BCLAF1: variants seen among roughly 807,000 people sequenced by gnomAD.
BCLAF1 encodes the protein BCL2 associated transcription factor 1.
In BCLAF1, 10 loss-of-function variants were observed where a neutral mutation model predicts 99.5. That is an observed-to-expected ratio of 0.10 (90% CI 0.06 to 0.17). BCLAF1 has a LOEUF of 0.17. Among genes scored for constraint, BCLAF1 ranks in the 10% least tolerant of loss-of-function variants. The probability of loss-of-function intolerance (pLI) is 1.00; values close to 1 mark genes in which losing one functional copy is unlikely to be tolerated. For synonymous variants in BCLAF1, 255 were observed against 370.9 expected, an observed-to-expected ratio of 0.69 and a Z score of 3.59; for missense variants, 636 against 1,105.8, an observed-to-expected ratio of 0.58 and a Z score of 6.02.
intron 8 of BCLAF1, 40 bp downstream of exon 8, chr6:136,271,955 C>T (rs1351922771): frequency 1.4e-6 from 2 of 1,431,584 alleles, no homozygotes; most frequent in Admixed American, 1.8e-5. Context: ...ATTAACTAAG[C>T]TGAACTTAAC....
At chr6:136,283,019 G>A (rs1486808540) in intron 1 of BCLAF1, among the ~76,000 whole-genome samples, 2 of 151,134 alleles carry the variant, frequency 1.3e-5, no homozygotes, top group African/African-American at 4.9e-5. Flanking sequence ...TCTTGGTAGC[G>A]GGGCAAGGTA....
intron 1 of BCLAF1, among the ~76,000 whole-genome samples, chr6:136,286,946 T>A (rs1281344141): frequency 7.3e-6 from 1 of 136,444 alleles, no homozygotes; most frequent in Non-Finnish European, 1.6e-5. Flanking sequence ...CCAGCCTGGG[T>A]GACAGAGCAA....
intron 1 of BCLAF1, 36 bp from the exon 2 acceptor site, chr6:136,282,723 GTTAAA>G (rs1784543480): frequency 6.6e-6 from 1 of 152,134 alleles, no homozygotes; most frequent in Non-Finnish European, 1.5e-5. Flanking sequence ...TGTGATTTAT[GTTAAA>G]TTAAATAACC....
At chr6:136,285,971 G>A (rs1482955773) in intron 1 of BCLAF1, among the ~76,000 whole-genome samples, 1 of 152,004 alleles carries the variant, frequency 6.6e-6, no homozygotes, top group Non-Finnish European at 1.5e-5. Flanking sequence ...GGTGGTGCAC[G>A]CCCATAGTCC....
Position 136,257,081 on chromosome 6 carries a change from T to C in BCLAF1, c.*4029A>G, listed in dbSNP as rs778408093. ...GCCAACCCCAAAAGATTAAGAAAAA[T>C]TCGATGTATATTCTTGGGGGAAAGG... On this transcript the variant is annotated 3_prime_UTR_variant, in exon 13 of 13. Transcript: ENST00000531224. The C allele has an allele frequency of 3.9e-5, 6 of 152,148 alleles. No individual in the cohort carries two copies. The highest frequency in any genetic ancestry group is 7.3e-5 in the Non-Finnish European group (5 of 68,034). The allele number at this position is 152,148 out of a possible 1,614,324, so 9.4% of individuals were successfully genotyped here.
chr6:136,266,974 T>C (rs1476482563), intron 11 of BCLAF1, 55 bp downstream of exon 11: 2 of 1,592,186 alleles, frequency 1.3e-6, no homozygotes, highest in Non-Finnish European at 1.7e-6. Context: ...TTTATTCACC[T>C]AGTATGCTTC....
intron 2 of BCLAF1, 83 bp from the exon 3 acceptor site, chr6:136,279,959 A>AT: frequency 7.8e-7 from 1 of 1,287,236 alleles, no homozygotes; most frequent in Non-Finnish European, 9.9e-7. Context: ...TTCAGATAAA[A>AT]TTTGATTTTT....
At chr6:136,288,339 A>C (rs377069521) in intron 1 of BCLAF1, among the ~76,000 whole-genome samples, 81 of 152,140 alleles carry the variant, frequency 5.3e-4, no homozygotes, top group African/African-American at 1.8e-3. Flanking sequence ...GCAGCCTCAA[A>C]CTCCCGCCGA....
At chr6:136,275,462 C>T in intron 6 of BCLAF1, 70 bp downstream of exon 6, 1 of 1,354,570 alleles carries the variant, frequency 7.4e-7, no homozygotes, top group Non-Finnish European at 9.8e-7. Flanking sequence ...AATTATTAAG[C>T]ATAATTACAC....
intron 11 of BCLAF1, among the ~76,000 whole-genome samples, chr6:136,265,256 T>TA (rs1195999008): frequency 6.6e-6 from 1 of 152,142 alleles, no homozygotes; most frequent in East Asian, 1.9e-4. Flanking sequence ...TTAGAGCACT[T>TA]AGATTTTTTT....
intron 1 of BCLAF1, among the ~76,000 whole-genome samples, chr6:136,285,502 A>G (rs1785009923): frequency 6.6e-6 from 1 of 152,222 alleles, no homozygotes; most frequent in African/African-American, 2.4e-5. Context: ...TCTCTCTTCA[A>G]TACCCTAAAA....
chr6:136,285,887 TAG>T (rs1785063333), intron 1 of BCLAF1, among the ~76,000 whole-genome samples: 2 of 151,842 alleles, frequency 1.3e-5, no homozygotes, highest in African/African-American at 4.8e-5. Flanking sequence ...ATCCTGAGGT[TAG>T]GAGTTTGAGA....
In BCLAF1 at chr6:136,259,307, T is replaced by C. The variant is rs1478600807; in HGVS notation, c.*1803A>G. 3.3e-5 allele frequency: 5 copies of C among 152,096 alleles called. No homozygotes were observed. Among genetic ancestry groups the C allele is most frequent in the Admixed American group, 3.3e-4 (5 of 15,272 alleles). 9.4% of individuals were successfully genotyped at this position (152,096 alleles called of 1,614,324 possible). ...TTACATAATTTCTCAGATCCCCTTT[T>C]ACCTATTGTCTTAAGTGGATAAGCA... On this transcript the variant is annotated 3_prime_UTR_variant, in exon 13 of 13. Transcript: ENST00000531224.
intron 11 of BCLAF1, among the ~76,000 whole-genome samples, chr6:136,262,895 T>C (rs571015775): frequency 6.6e-6 from 1 of 152,256 alleles, no homozygotes; most frequent in South Asian, 2.1e-4. Context: ...TTAAATCTTA[T>C]CAGAAACTGT....
Position 136,268,148 on chromosome 6 carries a change from A to AT in BCLAF1, c.2397+13dup. ...AACTCCTACCAAACAATCAAAGATA[A>AT]TTTTTTCACTTACAAAGGTTCCTCG... On this transcript the variant is annotated intron_variant, in intron 10 of 12. Transcript: ENST00000531224. 6.6e-7 allele frequency: 1 copy of AT among 1,510,824 alleles called. No homozygotes were observed. Among genetic ancestry groups the AT allele is most frequent in the Non-Finnish European group, 8.8e-7 (1 of 1,134,650 alleles). The allele number at this position is 1,510,824 out of a possible 1,614,324, so 93.6% of individuals were successfully genotyped here. A position where few individuals can be genotyped will look rare whatever the true frequency, so the allele number is the denominator to read the frequency against.
At chr6:136,274,153 A>G (rs1782925836) in intron 6 of BCLAF1, 1 of 1,288,844 alleles carries the variant, frequency 7.8e-7, no homozygotes, top group African/African-American at 1.5e-5. Context: ...TTTACTTTGA[A>G]ACATGGATTT....
At position 136,257,743 on chromosome 6, in the gene BCLAF1, T is replaced by C. The variant is rs925374756; in HGVS notation, c.*3367A>G. On this transcript the variant is annotated 3_prime_UTR_variant, in exon 13 of 13. Coordinates refer to ENST00000531224, the MANE Select transcript of BCLAF1 (RefSeq NM_014739.3). ...ATGACAATGAAGTTTATTCCTCCATTTGCCTTTCCTCTTCAACTCTGTAAA... is the reference window on the plus strand; with the variant it reads ...ATGACAATGAAGTTTATTCCTCCATCTGCCTTTCCTCTTCAACTCTGTAAA... The C allele has an allele frequency of 2.0e-5, 3 of 152,128 alleles. No homozygotes were observed. Among genetic ancestry groups the C allele is most frequent in the Non-Finnish European group, 2.9e-5 (2 of 67,982 alleles). 9.4% of individuals were successfully genotyped at this position (152,128 alleles called of 1,614,324 possible).
chr6:136,275,908 C>T lies in BCLAF1; in HGVS notation c.1617G>A (p.Ala539=), dbSNP rs9942486. 1.5e-5 allele frequency: 24 copies of T among 1,612,304 alleles called. No homozygotes were observed. Among genetic ancestry groups the T allele is most frequent in the South Asian group, 4.4e-5 (4 of 90,794 alleles). ...EESPLRIKMI[A]SDSHRPEVKL... is the part of the protein sequence containing the mutation. ...TGACTTCAGGACGGTGAGAATCACT[C>T]GCTATCATTTTGATCCTAAGTGGGC... Residue 539 remains alanine (A), a synonymous_variant, in exon 5 of 13, where the codon GCG becomes GCA. Transcript: ENST00000531224.
intron 2 of BCLAF1, among the ~76,000 whole-genome samples, chr6:136,280,191 G>C (rs906969808): frequency 6.6e-6 from 1 of 152,176 alleles, no homozygotes; most frequent in East Asian, 1.9e-4. Context: ...AGCATGTTAT[G>C]TGTTATTCCA....
Sources: allele counts gnomAD v4.1 joint callset (sites outside exome capture counted in the v4.1 genomes callset), GRCh38; gene constraint gnomAD v4.1.1; transcripts MANE v1.5; gene names NCBI Gene and HGNC (gene_info 2026-07-23, HGNC 2026-07-21).